Variants in HHAT observed in about 807,000 individuals in gnomAD.
HHAT encodes the protein protein-cysteine N-palmitoyltransferase HHAT.
HHAT carries 47 observed loss-of-function variants against 70.8 expected under a neutral mutation model. The ratio of observed to expected loss-of-function variants is 0.66; its 90% CI spans 0.53 to 0.85. The LOEUF is 0.85. Ranked by LOEUF, HHAT falls within the 40% of genes least tolerant of loss-of-function variation. The pLI is 0.00. For missense variants in HHAT, 609 were observed against 604.8 expected, an observed-to-expected ratio of 1.01 and a Z score of -0.07; for synonymous variants, 228 against 247.6, an observed-to-expected ratio of 0.92 and a Z score of 0.74.
chr1:210,450,958 G>A (rs993508560), intron 7 of HHAT, among the ~76,000 whole-genome samples: 33 of 151,890 alleles, frequency 2.2e-4, no homozygotes, highest in African/African-American at 7.7e-4. Context: ...GTGGTGGTGG[G>A]CACCTGTAGT....
chr1:210,567,189 A>G (rs1654979067), intron 9 of HHAT, among the ~76,000 whole-genome samples: 1 of 152,220 alleles, frequency 6.6e-6, no homozygotes, highest in Non-Finnish European at 1.5e-5. Context: ...TTTTGAAATC[A>G]GACAAACCCA....
At chr1:210,387,044 T>A (rs1270303634) in intron 3 of HHAT, among the ~76,000 whole-genome samples, 1 of 152,248 alleles carries the variant, frequency 6.6e-6, no homozygotes, top group Admixed American at 6.5e-5. Flanking sequence ...TTGTCTAAAC[T>A]GGGATAGCCT....
chr1:210,556,398 C>T (rs2148697091), intron 9 of HHAT, among the ~76,000 whole-genome samples: 1 of 152,330 alleles, frequency 6.6e-6, no homozygotes, highest in Admixed American at 6.5e-5. Flanking sequence ...GGTCAGTCCT[C>T]AGATATTTGT....
At chr1:210,502,308 C>G (rs923320677) in intron 8 of HHAT, among the ~76,000 whole-genome samples, 1 of 137,086 alleles carries the variant, frequency 7.3e-6, no homozygotes, top group East Asian at 2.2e-4. Flanking sequence ...GGCATGAACC[C>G]GGGAGGCAGA....
intron 8 of HHAT, among the ~76,000 whole-genome samples, chr1:210,490,651 A>G (rs542581769): frequency 2.8e-4 from 43 of 152,306 alleles, no homozygotes; most frequent in Middle Eastern, 3.4e-3. Context: ...AATCAAAACT[A>G]ATGTTTTCAC....
chr1:210,435,607 C>T (rs1309205932), intron 7 of HHAT, among the ~76,000 whole-genome samples: 1 of 151,712 alleles, frequency 6.6e-6, no homozygotes, highest in Non-Finnish European at 1.5e-5. Flanking sequence ...TGAGGTTTCT[C>T]CTTTCTTTAC....
chr1:210,432,500 A>G (rs1366926857), intron 7 of HHAT, among the ~76,000 whole-genome samples: 1 of 151,956 alleles, frequency 6.6e-6, no homozygotes, highest in Non-Finnish European at 1.5e-5. Context: ...GTCATGGTTG[A>G]CGTTGTTCAT....
At chr1:210,522,331 A>G (rs1299388221) in intron 9 of HHAT, among the ~76,000 whole-genome samples, 8 of 152,166 alleles carry the variant, frequency 5.3e-5, no homozygotes, top group Admixed American at 4.6e-4. Context: ...TTTCTTTTAA[A>G]CTTTTCTTTG....
chr1:210,345,259 C>A (rs762348112), intron 1 of HHAT, among the ~76,000 whole-genome samples: 4 of 151,660 alleles, frequency 2.6e-5, no homozygotes, highest in Admixed American at 1.3e-4. Flanking sequence ...TACCAGAGAC[C>A]CTAAATTGGA....
chr1:210,466,283 G>C (rs1447981197), intron 8 of HHAT, among the ~76,000 whole-genome samples: 1 of 152,244 alleles, frequency 6.6e-6, no homozygotes, highest in Non-Finnish European at 1.5e-5. Flanking sequence ...GGAATGTTGA[G>C]TAGTTACTCT....
chr1:210,662,918 G>A (rs1290499396), intron 11 of HHAT, among the ~76,000 whole-genome samples: 3 of 152,080 alleles, frequency 2.0e-5, no homozygotes. Flanking sequence ...TGTTTGTGCT[G>A]GTTAAAATGT....
At chr1:210,589,383 C>T (rs1661173387) in intron 10 of HHAT, 1 of 152,132 alleles carries the variant, frequency 6.6e-6, no homozygotes, top group African/African-American at 2.4e-5. Flanking sequence ...AAAGAAATGC[C>T]AGTGGATTCT....
chr1:210,481,171 T>C (rs1263695407), intron 8 of HHAT, among the ~76,000 whole-genome samples: 1 of 152,154 alleles, frequency 6.6e-6, no homozygotes, highest in Non-Finnish European at 1.5e-5. Flanking sequence ...CAGTATACAG[T>C]TAATATCACT....
In HHAT at chr1:210,478,638, C is replaced by T. The variant is rs1213327269; in HGVS notation, c.1007+13983C>T. 2.0e-5 allele frequency among the ~76,000 whole-genome samples: 3 copies of T among 152,114 alleles called. No homozygotes were observed. The East Asian group carries it at 5.8e-4, about 29-fold the overall frequency. ...CTCTCCCACTCTGTGAAAGCATCTT[C>T]CTAGTGGAGCCTTGACCACAAGGGA... On this transcript the variant is annotated intron_variant, in intron 8 of 11. Coordinates refer to ENST00000261458, the MANE Select transcript of HHAT (RefSeq NM_018194.6).
chr1:210,523,454 T>A (rs1387990215), intron 9 of HHAT, among the ~76,000 whole-genome samples: 1 of 152,194 alleles, frequency 6.6e-6, no homozygotes, highest in Non-Finnish European at 1.5e-5. Flanking sequence ...CCTGGGAATC[T>A]TCCTGGATGC....
At chr1:210,416,545 C>G (rs768619143) in intron 6 of HHAT, among the ~76,000 whole-genome samples, 2 of 152,116 alleles carry the variant, frequency 1.3e-5, no homozygotes, top group Non-Finnish European at 2.9e-5. Flanking sequence ...TTTATGAATT[C>G]TAGAATCTAT....
At chr1:210,411,737 C>T (rs1371018120) in intron 6 of HHAT, among the ~76,000 whole-genome samples, 2 of 152,058 alleles carry the variant, frequency 1.3e-5, no homozygotes, top group African/African-American at 2.4e-5. Flanking sequence ...TAGAGTGACA[C>T]CCTGTGTCAT....
At position 210,506,031 on chromosome 1, in the gene HHAT, T is replaced by C. The variant is rs577115166; in HGVS notation, c.1008-7122T>C. Among the ~76,000 whole-genome samples the C allele has an allele frequency of 2.6e-5, 4 of 152,332 alleles. No homozygotes were observed. In the South Asian group the frequency reaches 8.3e-4, roughly 32 times the overall value. On this transcript the variant is annotated intron_variant, in intron 8 of 11. Transcript: ENST00000261458. ...ATGGGTTCTGGTCTGAGTTCTGCCA[T>C]GGACACGGTGTGTGGGCCCCACCCC... is the stretch of plus-strand genomic sequence containing the variant.
At chr1:210,400,870 AT>A (rs1243059108) in intron 5 of HHAT, among the ~76,000 whole-genome samples, 1 of 152,186 alleles carries the variant, frequency 6.6e-6, no homozygotes, top group African/African-American at 2.4e-5. Context: ...GCCCTGTGAG[AT>A]TGCCCAGGGC....
Sources: allele counts gnomAD v4.1 joint callset (sites outside exome capture counted in the v4.1 genomes callset), GRCh38; gene constraint gnomAD v4.1.1; transcripts MANE v1.5; gene names NCBI Gene and HGNC (gene_info 2026-07-23, HGNC 2026-07-21).